Variants in GABRG3 observed in about 807,000 individuals in gnomAD.
GABRG3 encodes gamma-aminobutyric acid receptor subunit gamma-3.
Under a neutral mutation model 48.8 loss-of-function variants are expected in GABRG3, and 25 were observed. The ratio of observed to expected loss-of-function variants is 0.51; its 90% CI spans 0.37 to 0.72. The LOEUF (loss-of-function observed/expected upper bound fraction) is 0.72. GABRG3 is among the 30% of genes least tolerant of loss of function. The pLI is 0.00. For missense variants in GABRG3, 394 were observed against 577.9 expected, an observed-to-expected ratio of 0.68 and a Z score of 3.26; for synonymous variants, 227 against 217.6, an observed-to-expected ratio of 1.04 and a Z score of -0.38.
At chr15:27,337,064 T>G (rs957092157) in intron 5 of GABRG3, among the ~76,000 whole-genome samples, 15 of 152,222 alleles carry the variant, frequency 9.9e-5, no homozygotes, top group Non-Finnish European at 2.2e-4. Flanking sequence ...ACTGAAATAC[T>G]AAATATTATT....
chr15:27,174,228 A>G (rs1009230504), intron 3 of GABRG3, among the ~76,000 whole-genome samples: 1 of 152,348 alleles, frequency 6.6e-6, no homozygotes, highest in African/African-American at 2.4e-5. Context: ...CAGACTGTCC[A>G]GTGCATTTGG....
At chr15:27,061,709 A>C (rs995844567) in intron 3 of GABRG3, among the ~76,000 whole-genome samples, 4 of 152,108 alleles carry the variant, frequency 2.6e-5, no homozygotes, top group Non-Finnish European at 4.4e-5. Context: ...AGAGAAAAAA[A>C]GTCTTTTCCC....
chr15:27,056,736 G>C (rs760514191), intron 3 of GABRG3, among the ~76,000 whole-genome samples: 49 of 152,238 alleles, frequency 3.2e-4, no homozygotes, highest in Non-Finnish European at 5.0e-4. Context: ...GGATGGGAGA[G>C]GTGGTGGATG....
chr15:27,201,908 T>C (rs1386314958), intron 3 of GABRG3, among the ~76,000 whole-genome samples: 1 of 152,186 alleles, frequency 6.6e-6, no homozygotes, highest in Non-Finnish European at 1.5e-5. Context: ...AATTTGCACA[T>C]CAGGGAACAG....
intron 5 of GABRG3, among the ~76,000 whole-genome samples, chr15:27,397,772 C>G (rs555501803): frequency 2.0e-4 from 30 of 151,168 alleles, no homozygotes; most frequent in Non-Finnish European, 3.2e-4. Flanking sequence ...ATCCTCATCT[C>G]AAATTCCAAG....
rs541222336 is a variant in GABRG3 at position 27,447,290 on chromosome 15, G to A, written c.575-33360G>A. ...CATCAGACTAACCTGCAGCACCCCA[G>A]GGAAAGGAGTCGAGCATGGCTGAGA... On this transcript the variant is annotated intron_variant, in intron 5 of 9. Coordinates refer to ENST00000615808, the MANE Select transcript of GABRG3 (RefSeq NM_033223.5). This position sits in a 1 kb window ranked among gnomAD's most constrained non-coding sequence, Gnocchi z 4.0. Among the ~76,000 whole-genome samples, 1 of 152,166 alleles carries A rather than the reference G, an allele frequency of 6.6e-6. No homozygotes were observed. Among genetic ancestry groups the A allele is most frequent in the Admixed American group, 6.5e-5 (1 of 15,278 alleles).
intron 5 of GABRG3, among the ~76,000 whole-genome samples, chr15:27,361,074 C>A (rs1420876563): frequency 6.6e-6 from 1 of 152,188 alleles, no homozygotes; most frequent in Non-Finnish European, 1.5e-5. Flanking sequence ...ATAGCAAAGC[C>A]CTGGCAAGGG....
chr15:27,004,451 C>A (rs1298816496), intron 2 of GABRG3, among the ~76,000 whole-genome samples: 2 of 151,484 alleles, frequency 1.3e-5, no homozygotes, highest in Non-Finnish European at 2.9e-5. Context: ...AGAGACGCTC[C>A]CCACTTTCCG....
intron 3 of GABRG3, among the ~76,000 whole-genome samples, chr15:27,321,389 C>T (rs1893421084): frequency 1.3e-5 from 2 of 152,132 alleles, no homozygotes; most frequent in Admixed American, 1.3e-4. Context: ...GGGACAGGCG[C>T]CCAGGGAGAG....
intron 3 of GABRG3, among the ~76,000 whole-genome samples, chr15:27,187,752 G>T (rs932059489): frequency 1.3e-5 from 2 of 151,932 alleles, no homozygotes; most frequent in African/African-American, 4.8e-5. Context: ...ATACTTTTAA[G>T]TTTTAGGGTA....
chr15:27,357,635 A>G (rs1894884983), intron 5 of GABRG3, among the ~76,000 whole-genome samples: 1 of 152,328 alleles, frequency 6.6e-6, no homozygotes, highest in Non-Finnish European at 1.5e-5. Context: ...ATTTTTGCAA[A>G]TATCTTTAAT....
chr15:27,296,739 A>G (rs780856948), intron 3 of GABRG3, among the ~76,000 whole-genome samples: 3 of 152,204 alleles, frequency 2.0e-5, no homozygotes, highest in Non-Finnish European at 4.4e-5. Flanking sequence ...AGCTCGGGCA[A>G]TTATGCACAG....
At chr15:27,341,312 A>G (rs1436267189) in intron 5 of GABRG3, among the ~76,000 whole-genome samples, 2 of 152,196 alleles carry the variant, frequency 1.3e-5, no homozygotes, top group African/African-American at 4.8e-5. Flanking sequence ...AGAGTAAAAG[A>G]GCTAACCGCT....
rs78929384 is a variant in GABRG3, at chr15:27,278,594, C to T, written c.271-48215C>T. Among the ~76,000 whole-genome samples, 26 of 152,246 alleles carry T rather than the reference C, an allele frequency of 1.7e-4. No homozygotes were observed. In the East Asian group the frequency reaches 4.5e-3, roughly 26 times the overall value. ...GCCTTTCCTCACTCAGCATAATTCC[C>T]TTGACATCTCTCCAACTTATGTGTA... is the stretch of plus-strand genomic sequence containing the variant. On this transcript the variant is annotated intron_variant, in intron 3 of 9. Transcript: ENST00000615808.
Position 27,036,299 on chromosome 15 carries a change from G to A in GABRG3, c.270+9478G>A, listed in dbSNP as rs1274145275. 2.6e-5 allele frequency among the ~76,000 whole-genome samples: 4 copies of A among 152,310 alleles called. No homozygotes were observed. The South Asian group carries it at 8.3e-4, about 32-fold the overall frequency. On this transcript the variant is annotated intron_variant, in intron 3 of 9. Coordinates refer to ENST00000615808, the MANE Select transcript of GABRG3 (RefSeq NM_033223.5). ...AGAGCTCCTAGGCGCCAGATCACAG[G>A]GGAGCCCTGCAGACCAGTGTGAGGG...
At chr15:27,129,693 C>T (rs924486003) in intron 3 of GABRG3, among the ~76,000 whole-genome samples, 6 of 151,228 alleles carry the variant, frequency 4.0e-5, no homozygotes, top group African/African-American at 1.5e-4. Flanking sequence ...TCCTCGCCAA[C>T]ACTTGTTAGT....
At chr15:27,280,638 T>C (rs1488330791) in intron 3 of GABRG3, among the ~76,000 whole-genome samples, 3 of 152,226 alleles carry the variant, frequency 2.0e-5, no homozygotes, top group African/African-American at 7.2e-5. Context: ...TAGCAAACTT[T>C]CTTGTAATCT....
chr15:26,988,050 C>T (rs1895182131), intron 2 of GABRG3, among the ~76,000 whole-genome samples: 1 of 152,082 alleles, frequency 6.6e-6, no homozygotes, highest in Non-Finnish European at 1.5e-5. Flanking sequence ...TCCTTTTAAG[C>T]TTATTGAGAG....
chr15:27,150,967 A>C (rs758984517), intron 3 of GABRG3, among the ~76,000 whole-genome samples: 30 of 152,272 alleles, frequency 2.0e-4, no homozygotes, highest in Non-Finnish European at 3.8e-4. Context: ...ACAACATCTC[A>C]TTTCCAAATT....
Sources: allele counts gnomAD v4.1 joint callset (sites outside exome capture counted in the v4.1 genomes callset), GRCh38; gene constraint gnomAD v4.1.1; non-coding constraint Gnocchi (gnomAD v3.1); transcripts MANE v1.5; gene names NCBI Gene and HGNC (gene_info 2026-07-23, HGNC 2026-07-21).